Variants in PAPPA2 observed in about 807,000 individuals in gnomAD.
PAPPA2 encodes the protein pappalysin 2.
In PAPPA2, 86 loss-of-function variants were observed where a neutral mutation model predicts 176.4. That is an observed-to-expected ratio of 0.49 (90% CI 0.41 to 0.58). The LOEUF (loss-of-function observed/expected upper bound fraction) is 0.58. PAPPA2 is among the 20% of genes least tolerant of loss of function. The pLI is 0.00. For synonymous variants in PAPPA2, 809 were observed against 852.2 expected (o/e 0.95, Z 0.88); for missense variants, 2,073 against 2,256.9 (o/e 0.92, Z 1.65).
In PAPPA2 at chr1:176,789,813, C is replaced by G; in HGVS notation, c.4720C>G (p.Leu1574Val). The change falls in exon 18 of 23, where the codon CTC becomes GTC. Residue 1574 changes from leucine (L) to valine (V), a missense_variant. Around this residue, in one of 4 missense-constraint regions of PAPPA2, gnomAD observed 846 missense variants for 857.9 expected, o/e 0.99. Transcript: ENST00000367662. ...TTTTGTTTTATGTTTTATCAGCAAG[C>G]TCCTGAAGATACAATGCCTGGAAGG... is the stretch of plus-strand genomic sequence containing the variant. The part of the protein sequence containing the change: ...ESAEGKVRNK[L>V]LKIQCLEGGI... 1 of 1,613,300 alleles carries G rather than the reference C, an allele frequency of 6.2e-7. No individual in the cohort carries two copies. The highest frequency in any genetic ancestry group is 8.5e-7 in the Non-Finnish European group (1 of 1,179,636).
intron 21 of PAPPA2, among the ~76,000 whole-genome samples, chr1:176,805,255 A>G (rs2102954996): frequency 6.6e-6 from 1 of 152,298 alleles, no homozygotes; most frequent in Admixed American, 6.5e-5. Flanking sequence ...CCTTTTACAT[A>G]GAACTGATTA....
At chr1:176,840,410 G>A (rs1667443935) in intron 22 of PAPPA2, 139 bp downstream of exon 22, 1 of 678,326 alleles carries the variant, frequency 1.5e-6, no homozygotes, top group Non-Finnish European at 2.5e-6. Flanking sequence ...ACAAACATTG[G>A]AGCTTCTAAA....
At chr1:176,600,482 C>T (rs1016139132) in intron 3 of PAPPA2, among the ~76,000 whole-genome samples, 3 of 151,736 alleles carry the variant, frequency 2.0e-5, no homozygotes, top group African/African-American at 4.8e-5. Context: ...CGAGACCATC[C>T]TGGCTAACAC....
intron 7 of PAPPA2, 121 bp from the exon 8 acceptor site, chr1:176,698,979 C>T: frequency 7.6e-7 from 1 of 1,308,038 alleles, no homozygotes; most frequent in Non-Finnish European, 1.0e-6. Flanking sequence ...CTAAGATGAC[C>T]AACTTCTACA....
chr1:176,644,654 G>A (rs767113487), intron 3 of PAPPA2, among the ~76,000 whole-genome samples: 1 of 151,730 alleles, frequency 6.6e-6, no homozygotes, highest in African/African-American at 2.4e-5. Context: ...TTCAAGTTTC[G>A]GCTTTCCCCA....
intron 3 of PAPPA2, among the ~76,000 whole-genome samples, chr1:176,625,906 G>A (rs1381399380): frequency 6.6e-6 from 1 of 151,922 alleles, no homozygotes; most frequent in East Asian, 1.9e-4. Context: ...ACCTGTAGTC[G>A]AAGCTACTTG....
chr1:176,603,544 C>T (rs187922763), intron 3 of PAPPA2, among the ~76,000 whole-genome samples: 2 of 152,292 alleles, frequency 1.3e-5, no homozygotes, highest in East Asian at 3.9e-4. Context: ...TCCAAGGTTT[C>T]TCTCACTTCT....
intron 3 of PAPPA2, among the ~76,000 whole-genome samples, chr1:176,613,615 G>A (rs1655050214): frequency 6.6e-6 from 1 of 152,186 alleles, no homozygotes; most frequent in African/African-American, 2.4e-5. Context: ...CTCAGAAGGA[G>A]AAGTTTGAAA....
rs1661077684 is a variant in PAPPA2, at chr1:176,710,118, C to T, written c.3593C>T (p.Ser1198Phe). ...LDQWATRAYS[S>F]HEDKKKCPVS... is the part of the protein sequence containing the mutation. ...CAATGGGCTACCCGGGCTTACTCCT[C>T]TCATGAAGACAAGAAGAAGTGTCCT... is the stretch of plus-strand genomic sequence containing the variant. Residue 1198 changes from serine to phenylalanine, a missense_variant, in exon 11 of 23, where the codon TCT (serine) becomes TTT (phenylalanine). Around this residue, in one of 4 missense-constraint regions of PAPPA2, gnomAD observed 846 missense variants for 857.9 expected, o/e 0.99. Coordinates refer to ENST00000367662, the MANE Select transcript of PAPPA2 (RefSeq NM_020318.3). 2 of 1,613,766 alleles carry T rather than the reference C, an allele frequency of 1.2e-6. No homozygotes were observed. Among genetic ancestry groups the T allele is most frequent in the Admixed American group, 1.7e-5 (1 of 59,986 alleles).
intron 20 of PAPPA2, among the ~76,000 whole-genome samples, chr1:176,798,764 T>C (rs1377306561): frequency 6.6e-6 from 1 of 152,238 alleles, no homozygotes; most frequent in African/African-American, 2.4e-5. Context: ...ATATTTATTT[T>C]GATAACCCCT....
At chr1:176,694,751 C>T (rs1660286918) in intron 6 of PAPPA2, among the ~76,000 whole-genome samples, 1 of 152,204 alleles carries the variant, frequency 6.6e-6, no homozygotes, top group African/African-American at 2.4e-5. Flanking sequence ...CTGTATTAAT[C>T]ACGTCATGGA....
chr1:176,779,962 A>G (rs1557866506), intron 17 of PAPPA2, among the ~76,000 whole-genome samples: 1 of 152,206 alleles, frequency 6.6e-6, no homozygotes, highest in Admixed American at 6.5e-5. Flanking sequence ...GCCCACATCA[A>G]GGGATGTAAT....
At chr1:176,656,487 C>T (rs781594384) in intron 3 of PAPPA2, among the ~76,000 whole-genome samples, 2 of 151,876 alleles carry the variant, frequency 1.3e-5, no homozygotes, top group East Asian at 1.9e-4. Context: ...ATGATAAGCT[C>T]TCGGGGCCTG....
chr1:176,691,839 C>T (rs1261393880), intron 5 of PAPPA2, among the ~76,000 whole-genome samples: 1 of 152,178 alleles, frequency 6.6e-6, no homozygotes, highest in Non-Finnish European at 1.5e-5. Flanking sequence ...TTGTGGTTTG[C>T]TGAATAAGCA....
intron 12 of PAPPA2, among the ~76,000 whole-genome samples, chr1:176,713,688 C>A (rs1253333047): frequency 6.6e-6 from 1 of 152,066 alleles, no homozygotes; most frequent in Non-Finnish European, 1.5e-5. Flanking sequence ...CCCCCAGGCC[C>A]AAAGACAATC....
intron 1 of PAPPA2, among the ~76,000 whole-genome samples, chr1:176,508,050 G>A (rs1648389983): frequency 6.6e-6 from 1 of 152,100 alleles, no homozygotes; most frequent in African/African-American, 2.4e-5. Flanking sequence ...TCATAGTGGG[G>A]CTAAACTATC....
At chr1:176,839,541 CT>C (rs1266347854) in intron 21 of PAPPA2, among the ~76,000 whole-genome samples, 2 of 152,082 alleles carry the variant, frequency 1.3e-5, no homozygotes, top group East Asian at 3.9e-4. Context: ...CACTGGTGTC[CT>C]CAACCCGAGC....
chr1:176,551,636 C>A (rs1196610148), intron 1 of PAPPA2, among the ~76,000 whole-genome samples: 1 of 152,152 alleles, frequency 6.6e-6, no homozygotes, highest in Non-Finnish European at 1.5e-5. Context: ...GAAAACTGAC[C>A]AGCCCCACTA....
At chr1:176,623,835 GTC>G (rs1313145185) in intron 3 of PAPPA2, among the ~76,000 whole-genome samples, 3 of 81,330 alleles carry the variant, frequency 3.7e-5, no homozygotes, top group East Asian at 3.8e-4. Context: ...CTCTCTCTCT[GTC>G]TCTCTCTCTC....
Sources: allele counts gnomAD v4.1 joint callset (sites outside exome capture counted in the v4.1 genomes callset), GRCh38; gene constraint gnomAD v4.1.1; regional missense constraint gnomAD v4.1.1; transcripts MANE v1.5; gene names NCBI Gene and HGNC (gene_info 2026-07-23, HGNC 2026-07-21).